The following SS18 variants were observed in gnomAD, a reference collection of about 807,000 sequenced individuals.
SS18 encodes protein SSXT.
In SS18, 28 loss-of-function variants were observed where a neutral mutation model predicts 72.5. The ratio of observed to expected loss-of-function variants is 0.39; its 90% CI spans 0.29 to 0.53. The LOEUF is 0.53. SS18 is among the 20% of genes least tolerant of loss of function. The pLI is 0.76. For synonymous variants in SS18, 172 were observed against 164.2 expected, an observed-to-expected ratio of 1.05 and a Z score of -0.37; for missense variants, 518 against 535.3, an observed-to-expected ratio of 0.97 and a Z score of 0.32.
intron 3 of SS18, among the ~76,000 whole-genome samples, chr18:26,070,229 C>T (rs1258389581): frequency 6.6e-6 from 1 of 152,196 alleles, no homozygotes; most frequent in Non-Finnish European, 1.5e-5. Context: ...TAAACACCAA[C>T]TGAGAACCAA....
chr18:26,041,355 CAG>C (rs1481375730), intron 5 of SS18, among the ~76,000 whole-genome samples: 2 of 152,136 alleles, frequency 1.3e-5, no homozygotes, highest in Non-Finnish European at 2.9e-5. Context: ...ACCCGGGAGG[CAG>C]AGGTTGCAGT....
intron 10 of SS18, 30 bp from the exon 11 acceptor site, chr18:26,018,410 A>G (rs1408786402): frequency 7.6e-6 from 11 of 1,454,418 alleles, no homozygotes; most frequent in African/African-American, 4.3e-5. Flanking sequence ...ATATAATTAG[A>G]TAATAGTTTG....
chr18:26,060,305 A>C (rs561117897), intron 3 of SS18, among the ~76,000 whole-genome samples: 11 of 152,308 alleles, frequency 7.2e-5, no homozygotes, highest in African/African-American at 2.6e-4. Context: ...AGGCCACATA[A>C]ATTGTATGAT....
intron 9 of SS18, among the ~76,000 whole-genome samples, chr18:26,032,752 G>A (rs1437842838): frequency 1.3e-5 from 2 of 152,098 alleles, no homozygotes; most frequent in African/African-American, 2.4e-5. Flanking sequence ...ATCGTACTAT[G>A]CCCTAGCCAT....
Position 26,026,573 on chromosome 18 carries a change from CA to C in SS18, c.1230+5825del, listed in dbSNP as rs1244524509. ...ACAACTTTCTCTCTAAGATCAGGAA[CA>C]AGACAAAAGATGTCTACTCTCACCA... On this transcript the variant is annotated intron_variant, in intron 10 of 10. Coordinates refer to ENST00000415083, the MANE Select transcript of SS18 (RefSeq NM_001007559.3). Among the ~76,000 whole-genome samples, 4 of 152,112 alleles carry C rather than the reference CA, an allele frequency of 2.6e-5. No homozygotes were observed. The East Asian group carries it at 7.7e-4, about 29-fold the overall frequency.
At chr18:26,082,854 T>A (rs1407924694) in intron 2 of SS18, among the ~76,000 whole-genome samples, 1 of 152,232 alleles carries the variant, frequency 6.6e-6, no homozygotes, top group African/African-American at 2.4e-5. Flanking sequence ...CATACTGCTT[T>A]CATAAAATAC....
intron 9 of SS18, among the ~76,000 whole-genome samples, chr18:26,034,403 T>TA (rs1187667989): frequency 6.6e-6 from 1 of 152,140 alleles, no homozygotes; most frequent in African/African-American, 2.4e-5. Context: ...TCTAAGAAGT[T>TA]AAAGTCAGAT....
At chr18:26,079,976 T>C (rs1005709071) in intron 2 of SS18, among the ~76,000 whole-genome samples, 29 of 152,148 alleles carry the variant, frequency 1.9e-4, no homozygotes, top group Non-Finnish European at 3.2e-4. Flanking sequence ...AAAAACACTA[T>C]TTCTTGCTGA....
At chr18:26,025,168 G>T (rs1227787537) in intron 10 of SS18, among the ~76,000 whole-genome samples, 1 of 151,946 alleles carries the variant, frequency 6.6e-6, no homozygotes, top group Admixed American at 6.6e-5. Flanking sequence ...GGTCAAAAAA[G>T]AAATAAAAAG....
Position 26,017,993 on chromosome 18 carries a change from T to A in SS18, c.*361A>T. 3.3e-5 allele frequency: 8 copies of A among 245,590 alleles called. No homozygotes were observed. The allele number at this position is 245,590 out of a possible 1,614,324, so 15.2% of individuals were successfully genotyped here. On this transcript the variant is annotated 3_prime_UTR_variant, in exon 11 of 11. Transcript: ENST00000415083. ...TCCCTCTTCCCCTTACAAAAAAATC[T>A]GTGGAAAAGTATTAAATTCCCTTAC...
intron 4 of SS18, among the ~76,000 whole-genome samples, chr18:26,053,697 T>C (rs2053963579): frequency 6.6e-6 from 1 of 152,128 alleles, no homozygotes; most frequent in Non-Finnish European, 1.5e-5. Flanking sequence ...AAAAGGTTCA[T>C]CAACATTAAA....
Position 26,020,132 on chromosome 18 carries a change from T to C in SS18, c.1231-1752A>G, listed in dbSNP as rs139150498. ...ATACTGGAGCTTATTATTCCATTGT[T>C]AGATTGTCTAAATACTAAATCTGAG... On this transcript the variant is annotated intron_variant, in intron 10 of 10. Transcript: ENST00000415083. Among the ~76,000 whole-genome samples, 6 of 152,344 alleles carry C rather than the reference T, an allele frequency of 3.9e-5. No homozygotes were observed. In the East Asian group the frequency reaches 1.2e-3, roughly 29 times the overall value.
intron 3 of SS18, among the ~76,000 whole-genome samples, chr18:26,074,029 G>A (rs964380974): frequency 7.9e-5 from 12 of 152,116 alleles, no homozygotes; most frequent in African/African-American, 2.6e-4. Flanking sequence ...ACTTATCTAC[G>A]ACCTTGAGCT....
At chr18:26,019,281 C>G (rs2053302546) in intron 10 of SS18, among the ~76,000 whole-genome samples, 1 of 152,138 alleles carries the variant, frequency 6.6e-6, no homozygotes, top group African/African-American at 2.4e-5. Context: ...CATAAAAGCA[C>G]TAATTTTCAA....
chr18:26,025,380 G>C (rs930190165), intron 10 of SS18, among the ~76,000 whole-genome samples: 1 of 151,970 alleles, frequency 6.6e-6, no homozygotes, highest in African/African-American at 2.4e-5. Context: ...GTTCTGGGCA[G>C]AAATCAAAGA....
At position 26,051,960 on chromosome 18, in the gene SS18, C is replaced by T. The variant is rs79987184; in HGVS notation, c.607+664G>A. Among the ~76,000 whole-genome samples the T allele has an allele frequency of 7.3e-4, 109 of 149,740 alleles. 3 individuals are homozygous for T. The East Asian group carries it at 0.015, about 21-fold the overall frequency. ...TCCAAATACATTTAATTCTATCTTA[C>T]AGTCTTAACTTCATTACATTTTGTA... On this transcript the variant is annotated intron_variant, in intron 5 of 10. Transcript: ENST00000415083.
In SS18 at chr18:26,058,339, T is replaced by G. The variant is rs116494105; in HGVS notation, c.232-597A>C. On this transcript the variant is annotated intron_variant, in intron 3 of 10. Coordinates refer to ENST00000415083, the MANE Select transcript of SS18 (RefSeq NM_001007559.3). ...GCCCTTGGCAAATTTCCTAATGCAA[T>G]TTTGAAGAAAACCACTGACTAACCT... 4.3e-3 allele frequency among the ~76,000 whole-genome samples: 662 copies of G among 152,288 alleles called. 4 individuals carry two copies. Among genetic ancestry groups the G allele is most frequent in the African/African-American group, 0.014 (596 of 41,564 alleles).
intron 5 of SS18, among the ~76,000 whole-genome samples, chr18:26,044,328 A>ATT (rs56030633): frequency 0.15 from 20,464 of 140,432 alleles, 2,769 homozygotes; most frequent in African/African-American, 0.34. Context: ...ATTTTTTTAG[A>ATT]TTTTTTTTTT....
At chr18:26,051,442 G>A (rs1193874544) in intron 5 of SS18, among the ~76,000 whole-genome samples, 1 of 152,104 alleles carries the variant, frequency 6.6e-6, no homozygotes, top group African/African-American at 2.4e-5. Context: ...AAACCATGCT[G>A]CAGCAACATC....
Sources: allele counts gnomAD v4.1 joint callset (sites outside exome capture counted in the v4.1 genomes callset), GRCh38; gene constraint gnomAD v4.1.1; transcripts MANE v1.5; gene names NCBI Gene and HGNC (gene_info 2026-07-23, HGNC 2026-07-21).